The following RBFOX1 variants were observed in gnomAD, a reference collection of about 807,000 sequenced individuals.
RBFOX1 encodes the protein RNA binding protein fox-1 homolog 1.
A neutral mutation model predicts 57.7 loss-of-function variants in RBFOX1; 8 were observed. The ratio of observed to expected loss-of-function variants is 0.14; its 90% CI spans 0.08 to 0.25. The LOEUF (loss-of-function observed/expected upper bound fraction) is 0.25. RBFOX1 is among the 10% of genes least tolerant of loss of function. The pLI is 1.00. For missense variants in RBFOX1, 611 were observed against 548.5 expected (o/e 1.11, Z -1.14); for synonymous variants, 326 against 222.4 (o/e 1.47, Z -4.15).
At chr16:5,922,459 G>A (rs2058845251) in intron 4 of RBFOX1, among the ~76,000 whole-genome samples, 2 of 152,176 alleles carry the variant, frequency 1.3e-5, no homozygotes, top group African/African-American at 2.4e-5. Flanking sequence ...TGTCTTGCTG[G>A]AGCAAGGCTA....
rs542442398 is a variant in RBFOX1 at position 6,344,838 on chromosome 16, G to C, written c.-64+27781G>C. The stretch of plus-strand genomic sequence containing the variant: ...CCCGAGTGGCTAGGATTATAGGCAT[G>C]TGCCACCATGCTCCACTAATTTTTC... On this transcript the variant is annotated intron_variant, in intron 2 of 15. Coordinates refer to ENST00000550418, the MANE Select transcript of RBFOX1 (RefSeq NM_018723.4). Among the ~76,000 whole-genome samples the C allele has an allele frequency of 2.0e-5, 3 of 151,308 alleles. No homozygotes were observed. The Admixed American group carries it at 2.0e-4, about 10-fold the overall frequency.
chr16:6,727,750 T>A (rs2067582637), intron 3 of RBFOX1, among the ~76,000 whole-genome samples: 1 of 152,170 alleles, frequency 6.6e-6, no homozygotes, highest in South Asian at 2.1e-4. Context: ...AGTACCCTGC[T>A]GAGTTCAGTA....
chr16:6,616,641 C>G (rs551215796), intron 2 of RBFOX1, among the ~76,000 whole-genome samples: 1 of 152,336 alleles, frequency 6.6e-6, no homozygotes, highest in Admixed American at 6.5e-5. Context: ...TGCCACTGCA[C>G]TCCAGCCTGG....
intron 3 of RBFOX1, among the ~76,000 whole-genome samples, chr16:5,657,113 A>G (rs987351311): frequency 2.0e-5 from 3 of 152,208 alleles, no homozygotes; most frequent in African/African-American, 4.8e-5. Flanking sequence ...GAAAAAAAAG[A>G]AACAGTCTTC....
chr16:5,433,610 C>G (rs761440031), intron 1 of RBFOX1, among the ~76,000 whole-genome samples: 4 of 152,156 alleles, frequency 2.6e-5, no homozygotes, highest in Non-Finnish European at 5.9e-5. Context: ...CTATTTTATC[C>G]CAATTACAAA....
intron 2 of RBFOX1, among the ~76,000 whole-genome samples, chr16:6,547,330 T>C (rs186378167): frequency 5.1e-4 from 78 of 152,340 alleles, no homozygotes; most frequent in Non-Finnish European, 2.1e-4. Context: ...TGTTAATGAC[T>C]ACTTATTTTC....
At chr16:7,332,463 A>G (rs1013985195) in intron 4 of RBFOX1, among the ~76,000 whole-genome samples, 3 of 152,136 alleles carry the variant, frequency 2.0e-5, no homozygotes, top group Non-Finnish European at 4.4e-5. Context: ...TTTTTTTTCT[A>G]TCAGTGCCAA....
intron 1 of RBFOX1, among the ~76,000 whole-genome samples, chr16:6,244,534 C>A (rs2097558348): frequency 6.6e-6 from 1 of 152,144 alleles, no homozygotes; most frequent in African/African-American, 2.4e-5. Context: ...GATGGAGTCT[C>A]CCTCTGTAGC....
chr16:7,624,038 C>G (rs888186157), intron 10 of RBFOX1, among the ~76,000 whole-genome samples: 5 of 152,112 alleles, frequency 3.3e-5, no homozygotes, highest in African/African-American at 1.2e-4. Flanking sequence ...AGTGTAGGAA[C>G]CCAAATAGCT....
intron 1 of RBFOX1, among the ~76,000 whole-genome samples, chr16:5,402,748 C>A (rs972270086): frequency 2.6e-5 from 4 of 152,158 alleles, no homozygotes; most frequent in Admixed American, 2.6e-4. Flanking sequence ...GTGTGTTAAT[C>A]TCAGCCCTTT....
chr16:7,008,191 G>A (rs1301784202), intron 3 of RBFOX1, among the ~76,000 whole-genome samples: 1 of 152,156 alleles, frequency 6.6e-6, no homozygotes, highest in African/African-American at 2.4e-5. Flanking sequence ...GTAACAGGAT[G>A]ATATTTTTGG....
At chr16:6,520,707 G>A (rs1166261899) in intron 2 of RBFOX1, among the ~76,000 whole-genome samples, 1 of 152,140 alleles carries the variant, frequency 6.6e-6, no homozygotes, top group African/African-American at 2.4e-5. Context: ...TGCTTAGTTT[G>A]ATCCAGACAC....
At chr16:7,138,643 G>T (rs1159497077) in intron 4 of RBFOX1, among the ~76,000 whole-genome samples, 1 of 152,128 alleles carries the variant, frequency 6.6e-6, no homozygotes, top group Admixed American at 6.5e-5. Context: ...CTCACCTGGG[G>T]CCTACAAAGG....
At chr16:5,543,753 T>G (rs1478135711) in intron 2 of RBFOX1, among the ~76,000 whole-genome samples, 2 of 152,124 alleles carry the variant, frequency 1.3e-5, no homozygotes, top group African/African-American at 4.8e-5. Flanking sequence ...GTGTTCAAGC[T>G]TAGTGATATA....
At chr16:6,763,835 T>C (rs1192150680) in intron 3 of RBFOX1, among the ~76,000 whole-genome samples, 1 of 152,232 alleles carries the variant, frequency 6.6e-6, no homozygotes, top group African/African-American at 2.4e-5. Flanking sequence ...GTTGTAACTT[T>C]TGAAGATCTT....
chr16:7,328,167 C>G (rs2096636632), intron 4 of RBFOX1, among the ~76,000 whole-genome samples: 1 of 152,088 alleles, frequency 6.6e-6, no homozygotes, highest in Non-Finnish European at 1.5e-5. Context: ...CTGTGCCCAG[C>G]TTATGTTAGC....
chr16:6,877,546 A>G (rs1311907388), intron 3 of RBFOX1, among the ~76,000 whole-genome samples: 2 of 152,150 alleles, frequency 1.3e-5, no homozygotes, highest in African/African-American at 4.8e-5. Flanking sequence ...TGGAATTCGG[A>G]ACAACTTCTG....
intron 4 of RBFOX1, among the ~76,000 whole-genome samples, chr16:7,155,276 C>A: frequency 6.6e-6 from 1 of 151,886 alleles, no homozygotes. Flanking sequence ...TCCAGAATAG[C>A]AAGTCTTGAG....
At chr16:6,983,040 C>T (rs190737029) in intron 3 of RBFOX1, among the ~76,000 whole-genome samples, 2 of 149,694 alleles carry the variant, frequency 1.3e-5, no homozygotes, top group South Asian at 2.1e-4. Flanking sequence ...AACTGAGGCT[C>T]GAGCATTTTG....
Sources: gnomAD v4.1 joint callset for allele counts (sites outside exome capture counted in the v4.1 genomes callset) on GRCh38, gnomAD v4.1.1 for gene constraint, MANE v1.5 for transcripts, NCBI Gene and HGNC (gene_info 2026-07-23, HGNC 2026-07-21) for gene names.